The following TEAD1 variants were observed in gnomAD, a reference collection of about 807,000 sequenced individuals.
TEAD1 encodes transcriptional enhancer factor TEF-1.
Under a neutral mutation model 54.9 loss-of-function variants are expected in TEAD1, and 9 were observed. That is an observed-to-expected ratio of 0.16 (90% CI 0.10 to 0.29). The LOEUF (loss-of-function observed/expected upper bound fraction) is 0.29, where lower values mean the gene tolerates loss of function less well. Ranked by LOEUF, TEAD1 falls within the 10% of genes least tolerant of loss-of-function variation. The probability of loss-of-function intolerance (pLI) is 1.00; values close to 1 mark genes in which losing one functional copy is unlikely to be tolerated. For missense variants in TEAD1, 387 were observed against 535.9 expected (o/e 0.72, Z 2.74); for synonymous variants, 200 against 187.8 (o/e 1.07, Z -0.53).
At chr11:12,745,864 G>A (rs1944737521) in intron 2 of TEAD1, among the ~76,000 whole-genome samples, 1 of 152,132 alleles carries the variant, frequency 6.6e-6, no homozygotes, top group African/African-American at 2.4e-5. Flanking sequence ...GTCTTCTCCT[G>A]CCAAGGCATT....
chr11:12,714,357 TATAGTGCTCTGGGG>T (rs1944009871), intron 2 of TEAD1, among the ~76,000 whole-genome samples: 1 of 152,180 alleles, frequency 6.6e-6, no homozygotes, highest in Non-Finnish European at 1.5e-5. Context: ...TTATCCTCTG[TATAGTGCTCTGGGG>T]AGAGACTGCA....
At chr11:12,788,114 C>T (rs1018616591) in intron 3 of TEAD1, among the ~76,000 whole-genome samples, 4 of 151,092 alleles carry the variant, frequency 2.6e-5, no homozygotes, top group African/African-American at 7.3e-5. Context: ...CACAGGCACT[C>T]GCCACCATGC....
At chr11:12,713,956 C>A (rs1323092882) in intron 2 of TEAD1, among the ~76,000 whole-genome samples, 1 of 152,212 alleles carries the variant, frequency 6.6e-6, no homozygotes, top group Non-Finnish European at 1.5e-5. Context: ...TCCCTCATGC[C>A]TCACTTTGAT....
chr11:12,879,322 C>T (rs1056876136), intron 5 of TEAD1: 2 of 437,028 alleles, frequency 4.6e-6, no homozygotes, highest in African/African-American at 2.0e-5. Flanking sequence ...TCTCTCACTC[C>T]TCCTCCCATC....
chr11:12,677,093 T>G (rs1943110898), intron 2 of TEAD1, among the ~76,000 whole-genome samples: 1 of 152,134 alleles, frequency 6.6e-6, no homozygotes, highest in Non-Finnish European at 1.5e-5. Flanking sequence ...CTCTGTGTGA[T>G]CCTTTATAAA....
chr11:12,929,877 T>C (rs1220785523), intron 11 of TEAD1, among the ~76,000 whole-genome samples: 5 of 152,214 alleles, frequency 3.3e-5, no homozygotes, highest in African/African-American at 9.6e-5. Flanking sequence ...AGGTAAAGCA[T>C]CATAATTAGG....
intron 3 of TEAD1, among the ~76,000 whole-genome samples, chr11:12,775,807 A>G (rs1027430643): frequency 5.3e-5 from 8 of 152,172 alleles, no homozygotes; most frequent in Non-Finnish European, 1.2e-4. Flanking sequence ...AATCGCAAAC[A>G]TATGTTACTT....
chr11:12,733,973 G>C (rs1944474349), intron 2 of TEAD1, among the ~76,000 whole-genome samples: 1 of 152,204 alleles, frequency 6.6e-6, no homozygotes, highest in Non-Finnish European at 1.5e-5. Flanking sequence ...AGGATGGAGT[G>C]TGATCATGTG....
intron 2 of TEAD1, among the ~76,000 whole-genome samples, chr11:12,703,913 G>C (rs1428537972): frequency 6.6e-6 from 1 of 152,144 alleles, no homozygotes; most frequent in Non-Finnish European, 1.5e-5. Context: ...TCATGGGGTA[G>C]TGTAAATTTG....
chr11:12,797,096 G>GAA (rs397686503), intron 3 of TEAD1, among the ~76,000 whole-genome samples: 1 of 151,534 alleles, frequency 6.6e-6, no homozygotes, highest in Non-Finnish European at 1.5e-5. Flanking sequence ...CTGGGAAACA[G>GAA]CAAGACTCCA....
In TEAD1 at chr11:12,940,979, G is replaced by A. The variant is rs1949157749; in HGVS notation, c.*3757G>A. ...TTCGTTTTGTCGATGAGAAAGTTGA[G>A]GCCAGAGGGGAGGTGACATGTTTAG... On this transcript the variant is annotated 3_prime_UTR_variant, in exon 13 of 13. Transcript: ENST00000527636. 6.6e-6 allele frequency: 1 copy of A among 152,202 alleles called. No homozygotes were observed. Among genetic ancestry groups the A allele is most frequent in the Non-Finnish European group, 1.5e-5 (1 of 68,070 alleles). The allele number at this position is 152,202 out of a possible 1,614,324, so 9.4% of individuals were successfully genotyped here.
At chr11:12,766,000 G>A (rs2133928107) in intron 3 of TEAD1, among the ~76,000 whole-genome samples, 1 of 152,320 alleles carries the variant, frequency 6.6e-6, no homozygotes, top group East Asian at 1.9e-4. Flanking sequence ...AATCTTTGAA[G>A]CTTCTTTGAA....
At chr11:12,735,562 A>G (rs1406605464) in intron 2 of TEAD1, among the ~76,000 whole-genome samples, 1 of 121,044 alleles carries the variant, frequency 8.3e-6, no homozygotes, top group Non-Finnish European at 1.8e-5. Context: ...TCCTGGTTCG[A>G]TTTTTTTTTT....
Position 12,931,627 on chromosome 11 carries a change from C to A in TEAD1, c.1167+1301C>A, listed in dbSNP as rs188372780. ...GGCTGTTTCCCAGTTTCCCAAAACT[C>A]TAATTTATACCTTTTACCTATTTCT... On this transcript the variant is annotated intron_variant, in intron 12 of 12. Coordinates refer to ENST00000527636, the MANE Select transcript of TEAD1 (RefSeq NM_021961.6). Among the ~76,000 whole-genome samples, 613 of 152,226 alleles carry A rather than the reference C, an allele frequency of 4.0e-3. 5 individuals carry two copies. The highest frequency in any genetic ancestry group is 0.013 in the African/African-American group (560 of 41,512).
intron 2 of TEAD1, among the ~76,000 whole-genome samples, chr11:12,712,579 C>G (rs1356878490): frequency 6.6e-6 from 1 of 152,154 alleles, no homozygotes; most frequent in Non-Finnish European, 1.5e-5. Context: ...ATGTGAAGTG[C>G]TTGGCACATT....
At chr11:12,784,460 A>G (rs935271698) in intron 3 of TEAD1, among the ~76,000 whole-genome samples, 25 of 152,162 alleles carry the variant, frequency 1.6e-4, no homozygotes, top group Non-Finnish European at 3.7e-4. Context: ...TGTCTAGGAG[A>G]CAGAGGGAAA....
chr11:12,872,782 T>G (rs907704418), intron 5 of TEAD1, among the ~76,000 whole-genome samples: 7 of 152,164 alleles, frequency 4.6e-5, no homozygotes, highest in African/African-American at 1.7e-4. Flanking sequence ...GGTTATCTAG[T>G]GAGGACAAGG....
At chr11:12,692,579 G>T (rs1277336687) in intron 2 of TEAD1, among the ~76,000 whole-genome samples, 2 of 151,976 alleles carry the variant, frequency 1.3e-5, no homozygotes, top group African/African-American at 4.8e-5. Flanking sequence ...GTACAGTATT[G>T]TAGGGGTTTA....
chr11:12,750,357 C>T (rs1316794657), intron 2 of TEAD1, among the ~76,000 whole-genome samples: 3 of 152,124 alleles, frequency 2.0e-5, no homozygotes, highest in African/African-American at 4.8e-5. Context: ...GAGTTAATCC[C>T]ATGGCTCTGG....
Sources: gnomAD v4.1 joint callset for allele counts (sites outside exome capture counted in the v4.1 genomes callset) on GRCh38, gnomAD v4.1.1 for gene constraint, MANE v1.5 for transcripts, NCBI Gene and HGNC (gene_info 2026-07-23, HGNC 2026-07-21) for gene names.